GLI2: variants seen among roughly 807,000 people sequenced by gnomAD.
GLI2 encodes transcription activator GLI2.
A neutral mutation model predicts 78.9 loss-of-function variants in GLI2; 22 were observed. The ratio of observed to expected loss-of-function variants is 0.28; its 90% confidence interval spans 0.20 to 0.40. GLI2 has a LOEUF of 0.40. Among genes scored for constraint, GLI2 ranks in the 10% least tolerant of loss-of-function variants. The pLI is 1.00. For missense variants in GLI2, 2,097 were observed against 2,213.2 expected (o/e 0.95, Z 1.05); for synonymous variants, 974 against 963.7 (o/e 1.01, Z -0.20).
rs1171746743 is a variant in GLI2 at position 120,982,793 on chromosome 2, A to G, written c.1545A>G (p.Pro515=). The change falls in exon 11 of 14, where the codon CCA becomes CCG. Residue 515 remains proline (P), a synonymous_variant. Coordinates refer to ENST00000361492, the MANE Select transcript of GLI2 (RefSeq NM_001374353.1). ...THLRSHTGEK[P]YVCEHEGCNK... is the part of the protein sequence containing the mutation. ...TGCGGTCCCACACCGGGGAGAAGCCATATGTGTGTGAGCACGAGGGCTGCA... is the reference window on the plus strand; with the variant it reads ...TGCGGTCCCACACCGGGGAGAAGCCGTATGTGTGTGAGCACGAGGGCTGCA... 6.2e-7 allele frequency: 1 copy of G among 1,614,130 alleles called. No homozygotes were observed. The highest frequency in any genetic ancestry group is 8.5e-7 in the Non-Finnish European group (1 of 1,179,982).
intron 5 of GLI2, among the ~76,000 whole-genome samples, chr2:120,960,911 A>G (rs1027649581): frequency 6.6e-6 from 1 of 152,232 alleles, no homozygotes; most frequent in African/African-American, 2.4e-5. Context: ...CCTGATTTAC[A>G]GCAGGAAGAC....
intron 2 of GLI2, among the ~76,000 whole-genome samples, chr2:120,837,572 G>A (rs569476173): frequency 1.4e-4 from 22 of 152,128 alleles, no homozygotes; most frequent in African/African-American, 5.3e-4. Flanking sequence ...TATTTTAGGA[G>A]GTTCTTTCTG....
At chr2:120,968,188 A>G (rs1681951662) in intron 5 of GLI2, among the ~76,000 whole-genome samples, 2 of 152,192 alleles carry the variant, frequency 1.3e-5, no homozygotes, top group Non-Finnish European at 2.9e-5. Context: ...TAAAAATTCC[A>G]TTTACACAAA....
chr2:120,927,549 C>T (rs1679747568), intron 3 of GLI2, 83 bp downstream of exon 3: 1 of 875,732 alleles, frequency 1.1e-6, no homozygotes, highest in South Asian at 1.3e-5. Flanking sequence ...AGCCACATCT[C>T]CTGCCTCTGT....
intron 1 of GLI2, among the ~76,000 whole-genome samples, chr2:120,783,864 C>T (rs960990959): frequency 1.3e-5 from 2 of 152,208 alleles, no homozygotes; most frequent in Non-Finnish European, 2.9e-5. Flanking sequence ...TGAAAACTAG[C>T]AAGCTTCAAA....
intron 1 of GLI2, among the ~76,000 whole-genome samples, chr2:120,790,705 T>C (rs1279480161): frequency 1.3e-5 from 2 of 152,194 alleles, no homozygotes; most frequent in Admixed American, 1.3e-4. Context: ...TGCTGCTCTC[T>C]GGGGCTCTGC....
chr2:120,842,465 T>G (rs1033841662), intron 2 of GLI2, among the ~76,000 whole-genome samples: 2 of 152,226 alleles, frequency 1.3e-5, no homozygotes, highest in African/African-American at 4.8e-5. Flanking sequence ...CAGACTGTAA[T>G]TTATTTAACG....
chr2:120,874,805 G>C (rs1352301607), intron 2 of GLI2, among the ~76,000 whole-genome samples: 1 of 152,188 alleles, frequency 6.6e-6, no homozygotes. Flanking sequence ...AGTAGGAAAT[G>C]CTAGGAGAAG....
At chr2:120,867,685 C>A (rs934902779) in intron 2 of GLI2, among the ~76,000 whole-genome samples, 3 of 152,234 alleles carry the variant, frequency 2.0e-5, no homozygotes, top group Non-Finnish European at 4.4e-5. Flanking sequence ...GAAGGCCTGG[C>A]CTGCAGCGCC....
chr2:120,810,744 G>A (rs963323637), intron 2 of GLI2, among the ~76,000 whole-genome samples: 10 of 152,246 alleles, frequency 6.6e-5, no homozygotes, highest in East Asian at 1.9e-4. Context: ...CTGAAGCTAC[G>A]TGGCGTTCTG....
Position 120,988,998 on chromosome 2 carries a change from G to T in GLI2, c.3033G>T (p.Pro1011=). Residue 1011 remains proline, a synonymous_variant, in exon 14 of 14, where the codon CCG becomes CCT. Transcript: ENST00000361492. Reference sequence around the variant, plus strand: ...CCCGCGGCGCCTACTCGCCCCGGCCGCCTAGCATCAGCGAGAACGTGGCGA... The same window carrying T: ...CCCGCGGCGCCTACTCGCCCCGGCCTCCTAGCATCAGCGAGAACGTGGCGA... ...GLARGAYSPR[P]PSISENVAME... 1 of 1,592,852 alleles carries T rather than the reference G, an allele frequency of 6.3e-7. No homozygotes were observed. The highest frequency in any genetic ancestry group is 8.5e-7 in the Non-Finnish European group (1 of 1,174,506).
chr2:120,966,427 C>T (rs1681860304), intron 5 of GLI2, among the ~76,000 whole-genome samples: 1 of 152,222 alleles, frequency 6.6e-6, no homozygotes. Context: ...AGGTCTCCAT[C>T]CCTCTACCCA....
chr2:120,840,443 A>G (rs1239183144), intron 2 of GLI2, among the ~76,000 whole-genome samples: 1 of 145,816 alleles, frequency 6.9e-6, no homozygotes, highest in Non-Finnish European at 1.5e-5. Context: ...GTAATTTCAG[A>G]TAATGAGTGG....
At chr2:120,820,426 T>C (rs1040756452) in intron 2 of GLI2, among the ~76,000 whole-genome samples, 5 of 152,166 alleles carry the variant, frequency 3.3e-5, no homozygotes, top group African/African-American at 4.8e-5. Context: ...TGAGCATTAG[T>C]TCCCCCCTCT....
intron 2 of GLI2, among the ~76,000 whole-genome samples, chr2:120,882,261 A>T (rs142341659): frequency 8.1e-4 from 123 of 152,256 alleles, no homozygotes; most frequent in African/African-American, 2.9e-3. Flanking sequence ...GAAGGCAGCC[A>T]GGGCGTGAGG....
intron 1 of GLI2, among the ~76,000 whole-genome samples, chr2:120,755,098 G>T (rs1029147430): frequency 6.6e-6 from 1 of 152,088 alleles, no homozygotes; most frequent in African/African-American, 2.4e-5. Flanking sequence ...TGGTCTACCC[G>T]CCTTGGCCTC....
intron 2 of GLI2, among the ~76,000 whole-genome samples, chr2:120,854,246 G>A (rs1687542073): frequency 6.6e-6 from 1 of 152,132 alleles, no homozygotes; most frequent in African/African-American, 2.4e-5. Context: ...GCAGAAGTTT[G>A]GGTCAAAAAT....
At chr2:120,884,898 C>T (rs1215533775) in intron 2 of GLI2, among the ~76,000 whole-genome samples, 1 of 152,168 alleles carries the variant, frequency 6.6e-6, no homozygotes, top group Non-Finnish European at 1.5e-5. Context: ...TCTTCTCCCA[C>T]AGCCCCCACC....
intron 2 of GLI2, among the ~76,000 whole-genome samples, chr2:120,874,493 T>C (rs1688631226): frequency 1.3e-5 from 2 of 152,240 alleles, no homozygotes; most frequent in Non-Finnish European, 1.5e-5. Context: ...GGCTTCTCCC[T>C]GCGTCAGCAT....
Sources: allele counts gnomAD v4.1 joint callset (sites outside exome capture counted in the v4.1 genomes callset), GRCh38; gene constraint gnomAD v4.1.1; transcripts MANE v1.5; gene names NCBI Gene and HGNC (gene_info 2026-07-23, HGNC 2026-07-21).